The following IRS1 variants were observed in gnomAD, a reference collection of about 807,000 sequenced individuals.
IRS1 encodes insulin receptor substrate 1.
A neutral mutation model predicts 65.6 loss-of-function variants in IRS1; 34 were observed. The ratio of observed to expected loss-of-function variants is 0.52; its 90% confidence interval spans 0.39 to 0.69. The LOEUF is 0.69. Ranked by LOEUF, IRS1 falls within the 30% of genes least tolerant of loss-of-function variation. The pLI, the probability that IRS1 is intolerant of heterozygous loss-of-function variation, is 0.00. For synonymous variants in IRS1, 699 were observed against 683.5 expected, an observed-to-expected ratio of 1.02 and a Z score of -0.35; for missense variants, 1,641 against 1,720.2, an observed-to-expected ratio of 0.95 and a Z score of 0.81.
Position 226,762,127 on chromosome 2 carries a change from A to G in IRS1, c.*22-25877T>C, listed in dbSNP as rs370428514. ...CCAGCAATCATTATTTTCCAGAAAA[A>G]CTGAGATGTGAGTTTGGTTTGATTT... On this transcript the variant is annotated intron_variant, in intron 1 of 1. Transcript: ENST00000305123. Among the ~76,000 whole-genome samples, 4 of 152,170 alleles carry G rather than the reference A, an allele frequency of 2.6e-5. No individual in the cohort carries two copies. The South Asian group carries it at 6.2e-4, about 24-fold the overall frequency.
intron 1 of IRS1, among the ~76,000 whole-genome samples, chr2:226,754,438 A>G (rs1938754411): frequency 6.6e-6 from 1 of 152,224 alleles, no homozygotes. Context: ...CAGCGTTAAT[A>G]TGCATTATTT....
At chr2:226,764,791 C>A (rs1938996577) in intron 1 of IRS1, among the ~76,000 whole-genome samples, 1 of 152,202 alleles carries the variant, frequency 6.6e-6, no homozygotes. Context: ...TTTGATTGCT[C>A]ATCTATATGC....
At chr2:226,740,749 AT>A (rs1158956525) in intron 1 of IRS1, among the ~76,000 whole-genome samples, 2 of 152,212 alleles carry the variant, frequency 1.3e-5, no homozygotes, top group African/African-American at 4.8e-5. Flanking sequence ...TACTAGGGAA[AT>A]AAGAGTAAAA....
chr2:226,770,048 G>T (rs1939134751), intron 1 of IRS1, among the ~76,000 whole-genome samples: 1 of 152,138 alleles, frequency 6.6e-6, no homozygotes, highest in African/African-American at 2.4e-5. Context: ...TAGCAGTCAT[G>T]AATGCATTTT....
intron 1 of IRS1, among the ~76,000 whole-genome samples, chr2:226,742,901 T>A (rs1283127838): frequency 6.6e-6 from 1 of 152,094 alleles, no homozygotes; most frequent in Non-Finnish European, 1.5e-5. Flanking sequence ...AACATTTAGT[T>A]CTCAGTAATT....
In IRS1 at chr2:226,798,791, G is replaced by A. The variant is rs1939820094; in HGVS notation, c.-53C>T. On this transcript the variant is annotated 5_prime_UTR_variant, in exon 1 of 2. Transcript: ENST00000305123. This position sits in a 1 kb window ranked among gnomAD's most constrained non-coding sequence, Gnocchi z 9.4. ...CAGAGGGAGGCTCCGAAAAACAACC[G>A]GGTGGGGGGCGGAGGCTCCTCGCCG... The A allele has an allele frequency of 8.3e-6, 13 of 1,573,356 alleles. No homozygotes were observed. Among genetic ancestry groups the A allele is most frequent in the African/African-American group, 1.4e-5 (1 of 73,910 alleles).
chr2:226,761,291 T>G (rs1265200674), intron 1 of IRS1, among the ~76,000 whole-genome samples: 2 of 152,194 alleles, frequency 1.3e-5, no homozygotes, highest in Non-Finnish European at 2.9e-5. Flanking sequence ...TGCTTTGGAA[T>G]GCATTTTGGT....
chr2:226,756,467 G>A (rs1938803262), intron 1 of IRS1, among the ~76,000 whole-genome samples: 1 of 152,072 alleles, frequency 6.6e-6, no homozygotes, highest in Non-Finnish European at 1.5e-5. Context: ...GGTTTAATGA[G>A]GATGAAGAAA....
chr2:226,783,078 C>T (rs1447605171), intron 1 of IRS1, among the ~76,000 whole-genome samples: 2 of 152,200 alleles, frequency 1.3e-5, no homozygotes, highest in Non-Finnish European at 1.5e-5. Context: ...TTTTCACCAT[C>T]CACCAATGGC....
chr2:226,766,096 AT>A (rs1161766290), intron 1 of IRS1, among the ~76,000 whole-genome samples: 5 of 110,068 alleles, frequency 4.5e-5, no homozygotes, highest in African/African-American at 1.8e-4. Flanking sequence ...GGTTTTATGA[AT>A]TTTCCCAAGG....
intron 1 of IRS1, among the ~76,000 whole-genome samples, chr2:226,751,281 T>TTTTTTTA (rs1938673245): frequency 7.3e-6 from 1 of 136,528 alleles, no homozygotes; most frequent in East Asian, 2.1e-4. Context: ...GGTATTTTTT[T>TTTTTTTA]TTTTTTTTTT....
At chr2:226,779,735 C>T (rs1939344930) in intron 1 of IRS1, among the ~76,000 whole-genome samples, 1 of 152,156 alleles carries the variant, frequency 6.6e-6, no homozygotes, top group African/African-American at 2.4e-5. Context: ...AAATGTCCAA[C>T]AATATTTAAA....
At chr2:226,760,235 A>G (rs1938889267) in intron 1 of IRS1, among the ~76,000 whole-genome samples, 1 of 152,224 alleles carries the variant, frequency 6.6e-6, no homozygotes, top group Non-Finnish European at 1.5e-5. Flanking sequence ...TGAGTCATTT[A>G]TGTGCACAAA....
intron 1 of IRS1, among the ~76,000 whole-genome samples, chr2:226,736,774 C>T (rs576678316): frequency 6.6e-6 from 1 of 152,040 alleles, no homozygotes; most frequent in Non-Finnish European, 1.5e-5. Flanking sequence ...CCAAGCAAAA[C>T]GGACCTACTG....
At chr2:226,741,829 AAC>A (rs377613482) in intron 1 of IRS1, among the ~76,000 whole-genome samples, 4 of 122,584 alleles carry the variant, frequency 3.3e-5, no homozygotes, top group East Asian at 3.1e-4. Context: ...ACACACACAT[AAC>A]ACACACACAC....
At position 226,734,113 on chromosome 2, in the gene IRS1, G is replaced by A. The variant is rs1938280675; in HGVS notation, c.*2159C>T. ...AACTATTTCAGTCCTCAAAGGAAAA[G>A]AGCAGGGCAGCTTGCTCTCTTCTTC... is the stretch of plus-strand genomic sequence containing the variant. On this transcript the variant is annotated 3_prime_UTR_variant, in exon 2 of 2. Transcript: ENST00000305123. 1 of 152,168 alleles carries A rather than the reference G, an allele frequency of 6.6e-6. No individual in the cohort carries two copies. 9.4% of individuals were successfully genotyped at this position (152,168 alleles called of 1,614,324 possible). A position where few individuals can be genotyped will look rare whatever the true frequency, so the allele number is the denominator to read the frequency against.
chr2:226,784,288 C>T (rs891028575), intron 1 of IRS1, among the ~76,000 whole-genome samples: 2 of 152,170 alleles, frequency 1.3e-5, no homozygotes, highest in Non-Finnish European at 2.9e-5. Context: ...GGATGAATTT[C>T]ATTCCTCCTT....
intron 1 of IRS1, among the ~76,000 whole-genome samples, chr2:226,747,649 AC>A (rs1343107685): frequency 1.3e-5 from 2 of 152,182 alleles, no homozygotes; most frequent in African/African-American, 2.4e-5. Context: ...AAATGGGGTC[AC>A]CTTCAGACCC....
At chr2:226,753,967 C>A (rs993045126) in intron 1 of IRS1, among the ~76,000 whole-genome samples, 1 of 152,146 alleles carries the variant, frequency 6.6e-6, no homozygotes, top group Non-Finnish European at 1.5e-5. Flanking sequence ...ATCCTCCCAC[C>A]TCAGCCTCCT....
Sources: gnomAD v4.1 joint callset for allele counts (sites outside exome capture counted in the v4.1 genomes callset) on GRCh38, gnomAD v4.1.1 for gene constraint, Gnocchi (gnomAD v3.1) non-coding constraint, MANE v1.5 for transcripts, NCBI Gene and HGNC (gene_info 2026-07-23, HGNC 2026-07-21) for gene names.